ABCA12: variants seen among roughly 807,000 people sequenced by gnomAD.
The protein encoded by ABCA12 is glucosylceramide transporter ABCA12.
Under a neutral mutation model 293.5 loss-of-function variants are expected in ABCA12, and 156 were observed. The observed-to-expected ratio is 0.53, with a 90% CI of 0.47 to 0.61. The LOEUF (loss-of-function observed/expected upper bound fraction) is 0.61, where lower values mean the gene tolerates loss of function less well. Ranked by LOEUF, ABCA12 falls within the 20% of genes least tolerant of loss-of-function variation. The probability of loss-of-function intolerance (pLI) is 0.00; values close to 1 mark genes in which losing one functional copy is unlikely to be tolerated. For missense variants in ABCA12, 2,797 were observed against 3,090.2 expected (o/e 0.91, Z 2.25); for synonymous variants, 1,063 against 1,108.0 (o/e 0.96, Z 0.81).
At chr2:215,080,379 G>A (rs1432109981) in intron 2 of ABCA12, among the ~76,000 whole-genome samples, 8 of 152,096 alleles carry the variant, frequency 5.3e-5, no homozygotes, top group South Asian at 2.1e-4. Context: ...CGTGCCTGTA[G>A]TCCCAGCTAC....
intron 51 of ABCA12, among the ~76,000 whole-genome samples, chr2:214,935,108 C>T (rs1041131177): frequency 6.6e-6 from 1 of 152,168 alleles, no homozygotes; most frequent in South Asian, 2.1e-4. Context: ...CTTCTCCTCC[C>T]GCTTTGTGCA....
chr2:215,070,246 GATTT>G (rs1701710494), intron 2 of ABCA12, among the ~76,000 whole-genome samples: 1 of 151,902 alleles, frequency 6.6e-6, no homozygotes, highest in African/African-American at 2.4e-5. Flanking sequence ...TCAACCTCTG[GATTT>G]ATTATCCACA....
intron 16 of ABCA12, 81 bp downstream of exon 16, chr2:215,011,890 G>C: frequency 7.7e-7 from 1 of 1,303,068 alleles, no homozygotes. Flanking sequence ...AATGTACTAC[G>C]ATTGAAGCTG....
At chr2:214,949,803 C>A (rs531868436) in intron 45 of ABCA12, among the ~76,000 whole-genome samples, 11 of 152,296 alleles carry the variant, frequency 7.2e-5, no homozygotes, top group South Asian at 4.1e-4. Flanking sequence ...AACAGGCTTC[C>A]TGACCAAAGT....
chr2:215,112,333 ATT>A (rs35532740), intron 1 of ABCA12, among the ~76,000 whole-genome samples: 12 of 126,646 alleles, frequency 9.5e-5, no homozygotes, highest in Admixed American at 1.6e-4. Flanking sequence ...ATAGTCAATG[ATT>A]TTTTTTTTTT....
chr2:214,974,068 G>A (rs1187655001), intron 35 of ABCA12, 26 bp from the exon 36 acceptor site: 24 of 1,590,294 alleles, frequency 1.5e-5, no homozygotes, highest in Non-Finnish European at 1.7e-5. Flanking sequence ...ATATTGCTGT[G>A]AGGTGTGTAT....
At chr2:215,078,952 T>C (rs1701885462) in intron 2 of ABCA12, among the ~76,000 whole-genome samples, 1 of 152,112 alleles carries the variant, frequency 6.6e-6, no homozygotes, top group Non-Finnish European at 1.5e-5. Flanking sequence ...TAAAAGAAAG[T>C]GGGATGTGAA....
At chr2:214,987,461 A>G (rs957324119) in intron 27 of ABCA12, among the ~76,000 whole-genome samples, 186 bp downstream of exon 27, 6 of 152,174 alleles carry the variant, frequency 3.9e-5, no homozygotes, top group Non-Finnish European at 8.8e-5. Flanking sequence ...CAACTGAGCT[A>G]ATGAGCCCAG....
chr2:214,980,630 A>C lies in ABCA12; in HGVS notation c.4593T>G (p.Ile1531Met), dbSNP rs143000101. Residue 1531 changes from isoleucine (I) to methionine (M), a missense_variant, in exon 31 of 53, where the codon ATT becomes ATG. Transcript: ENST00000272895. ...CCTCGTCCAAGTGGTGCGTTGACAG[A>C]ATGATTGTTCTGGCTTGAAAATACA... ...ISKNKTARTI[I>M]LSTHHLDEAE... 7 of 1,614,112 alleles carry C rather than the reference A, an allele frequency of 4.3e-6. No individual in the cohort carries two copies. Among genetic ancestry groups the C allele is most frequent in the Middle Eastern group, 1.6e-4 (1 of 6,062 alleles).
intron 22 of ABCA12, among the ~76,000 whole-genome samples, chr2:215,000,058 G>A (rs1351867213): frequency 6.6e-6 from 1 of 152,162 alleles, no homozygotes; most frequent in Admixed American, 6.6e-5. Flanking sequence ...CAGAGTGAAG[G>A]AAGCATTCAG....
chr2:214,989,644 T>G (rs1321452272), intron 24 of ABCA12, 23 bp from the exon 25 acceptor site: 1 of 1,612,578 alleles, frequency 6.2e-7, no homozygotes, highest in Non-Finnish European at 8.5e-7. Context: ...GAAACGGCAA[T>G]GATAGTTCTT....
chr2:215,064,693 G>GCA (rs10541959), intron 2 of ABCA12, among the ~76,000 whole-genome samples: 2,933 of 139,960 alleles, frequency 0.021, 39 homozygotes, highest in South Asian at 0.043. Flanking sequence ...TTTAATACAC[G>GCA]CACACACACA....
At chr2:215,032,435 G>T in intron 8 of ABCA12, 1 of 171,036 alleles carries the variant, frequency 5.8e-6, no homozygotes, top group Admixed American at 5.6e-5. Flanking sequence ...TAACAGAACT[G>T]CTCTGAGAGT....
chr2:215,025,612 T>G, intron 11 of ABCA12, 61 bp downstream of exon 11: 18 of 1,145,250 alleles, frequency 1.6e-5, no homozygotes, highest in Non-Finnish European at 2.2e-5. Context: ...TTTTTTTTTG[T>G]TTGTTTTGTC....
intron 1 of ABCA12, among the ~76,000 whole-genome samples, chr2:215,127,449 A>G (rs2105913966): frequency 6.6e-6 from 1 of 152,152 alleles, no homozygotes; most frequent in Admixed American, 6.5e-5. Flanking sequence ...GTCTATTAGT[A>G]ATTGTTTTAT....
chr2:215,066,814 C>T (rs373023227), intron 2 of ABCA12, among the ~76,000 whole-genome samples: 1 of 152,014 alleles, frequency 6.6e-6, no homozygotes, highest in African/African-American at 2.4e-5. Context: ...TTTGTTTTGC[C>T]GTAATCTTTT....
chr2:215,106,185 T>G (rs946531088), intron 2 of ABCA12, among the ~76,000 whole-genome samples: 1 of 152,188 alleles, frequency 6.6e-6, no homozygotes, highest in Non-Finnish European at 1.5e-5. Context: ...CAGAGGCTCT[T>G]TCAACATTAA....
At chr2:214,971,242 C>G (rs1204954563) in intron 36 of ABCA12, among the ~76,000 whole-genome samples, 1 of 152,094 alleles carries the variant, frequency 6.6e-6, no homozygotes, top group Admixed American at 6.6e-5. Flanking sequence ...TAAAGAAAAT[C>G]GGTGCTGGAT....
intron 51 of ABCA12, among the ~76,000 whole-genome samples, chr2:214,936,706 G>A (rs1388959601): frequency 6.6e-6 from 1 of 152,148 alleles, no homozygotes; most frequent in African/African-American, 2.4e-5. Context: ...AGAACTTGAG[G>A]ACTTGATTTC....
Sources: gnomAD v4.1 joint callset for allele counts (sites outside exome capture counted in the v4.1 genomes callset) on GRCh38, gnomAD v4.1.1 for gene constraint, MANE v1.5 for transcripts, NCBI Gene and HGNC (gene_info 2026-07-23, HGNC 2026-07-21) for gene names.